RANBP2: variants seen among roughly 807,000 people sequenced by gnomAD.
RANBP2 encodes the protein E3 SUMO-protein ligase RanBP2.
In RANBP2, 57 loss-of-function variants were observed where a neutral mutation model predicts 303.6. The ratio of observed to expected loss-of-function variants is 0.19; its 90% confidence interval spans 0.15 to 0.23. RANBP2 has a LOEUF of 0.23. Ranked by LOEUF, RANBP2 falls within the 10% of genes least tolerant of loss-of-function variation. The probability of loss-of-function intolerance (pLI) is 1.00; values close to 1 mark genes in which losing one functional copy is unlikely to be tolerated. For missense variants in RANBP2, 3,138 were observed against 3,780.8 expected (o/e 0.83, Z 4.46); for synonymous variants, 1,167 against 1,301.5 (o/e 0.90, Z 2.23).
Position 108,782,121 on chromosome 2 carries a change from A to G in RANBP2, c.8761-7A>G, listed in dbSNP as rs752737645. 3.5e-5 allele frequency: 56 copies of G among 1,613,748 alleles called. No individual in the cohort carries two copies. The highest frequency in any genetic ancestry group is 4.5e-5 in the Non-Finnish European group (53 of 1,179,864). ...CAGCTTATAGAGAATTTCATCTCCTATTATAGGTAGAAGTAAAATCTGGAG... is the reference window on the plus strand; with the variant it reads ...CAGCTTATAGAGAATTTCATCTCCTGTTATAGGTAGAAGTAAAATCTGGAG... On this transcript the variant is annotated splice_polypyrimidine_tract_variant and splice_region_variant and intron_variant, in intron 26 of 28. Transcript: ENST00000283195.
the RANBP2 span, among the ~76,000 whole-genome samples, chr2:109,200,802 C>T: frequency 6.6e-6 from 1 of 152,364 alleles, no homozygotes; most frequent in Non-Finnish European, 1.5e-5. Context: ...AGAAGAAAAA[C>T]ACAGGGCCCT....
the RANBP2 span, among the ~76,000 whole-genome samples, chr2:109,657,788 T>C: frequency 4.7e-5 from 7 of 147,434 alleles, no homozygotes; most frequent in South Asian, 2.2e-4. Context: ...GGCACAATCT[T>C]GGCTCACTGC....
the RANBP2 span, among the ~76,000 whole-genome samples, chr2:108,843,035 T>C: frequency 6.6e-6 from 1 of 152,218 alleles, no homozygotes; most frequent in Non-Finnish European, 1.5e-5. Flanking sequence ...GGAAAGTTTA[T>C]TGTATTTACC....
the RANBP2 span, among the ~76,000 whole-genome samples, chr2:109,105,176 C>T: frequency 6.6e-6 from 1 of 152,146 alleles, no homozygotes; most frequent in African/African-American, 2.4e-5. Flanking sequence ...AAGCCACTTC[C>T]CAATAAGATT....
At chr2:109,387,230 A>C in the RANBP2 span, among the ~76,000 whole-genome samples, 1 of 152,220 alleles carries the variant, frequency 6.6e-6, no homozygotes, top group Non-Finnish European at 1.5e-5. Context: ...AATTGTGAGA[A>C]TATTCTCATA....
the RANBP2 span, among the ~76,000 whole-genome samples, chr2:108,848,445 G>A: frequency 3.9e-5 from 6 of 152,148 alleles, no homozygotes; most frequent in Non-Finnish European, 7.4e-5. Context: ...AAATATAACA[G>A]GGCATAAGAA....
chr2:109,106,375 T>C, the RANBP2 span, among the ~76,000 whole-genome samples: 1 of 152,196 alleles, frequency 6.6e-6, no homozygotes, highest in Non-Finnish European at 1.5e-5. Flanking sequence ...TGCCTTTGTA[T>C]GAGATCAGAT....
chr2:108,752,101 A>T lies in RANBP2; in HGVS notation c.1755+107A>T. 3.8e-6 allele frequency: 6 copies of T among 1,577,896 alleles called. No individual in the cohort carries two copies. The South Asian group carries it at 7.0e-5, about 18-fold the overall frequency. On this transcript the variant is annotated intron_variant, in intron 12 of 28. Coordinates refer to ENST00000283195, the MANE Select transcript of RANBP2 (RefSeq NM_006267.5). ...GTTCTGAAAACAGCAGCTTGGTCAC[A>T]TTATGACAGATGTGTTTTTTATTGC...
chr2:109,703,468 G>A, the RANBP2 span, among the ~76,000 whole-genome samples: 30 of 152,204 alleles, frequency 2.0e-4, no homozygotes, highest in South Asian at 2.9e-3. Flanking sequence ...TCGCTCTGTC[G>A]CCCAGGCTGG....
chr2:109,414,433 G>A, the RANBP2 span, among the ~76,000 whole-genome samples: 2 of 152,048 alleles, frequency 1.3e-5, no homozygotes, highest in South Asian at 2.1e-4. Context: ...GTTTTTTCAG[G>A]CAGGAGGGTA....
At chr2:109,698,277 G>C in the RANBP2 span, among the ~76,000 whole-genome samples, 1 of 151,414 alleles carries the variant, frequency 6.6e-6, no homozygotes, top group African/African-American at 2.4e-5. Context: ...TGTATCAAAT[G>C]GTCCACTTAA....
chr2:109,192,339 T>G, the RANBP2 span, among the ~76,000 whole-genome samples: 1 of 152,222 alleles, frequency 6.6e-6, no homozygotes, highest in Non-Finnish European at 1.5e-5. Flanking sequence ...GAAAATGAGT[T>G]TTTAAAAACC....
At chr2:109,058,792 A>G in the RANBP2 span, among the ~76,000 whole-genome samples, 1 of 152,138 alleles carries the variant, frequency 6.6e-6, no homozygotes, top group Admixed American at 6.5e-5. Context: ...GTTGGTCTCC[A>G]AGGCAGGGCT....
At chr2:109,568,067 A>T in the RANBP2 span, 10 of 1,020,490 alleles carry the variant, frequency 9.8e-6, no homozygotes, top group Non-Finnish European at 1.4e-5. Flanking sequence ...TCATTCTGAC[A>T]ATGAATTTCC....
At chr2:108,892,427 G>A in the RANBP2 span, among the ~76,000 whole-genome samples, 1 of 152,168 alleles carries the variant, frequency 6.6e-6, no homozygotes, top group Non-Finnish European at 1.5e-5. Context: ...GGCTGTGGAA[G>A]TGCTTGCAGC....
chr2:109,314,214 C>A, the RANBP2 span, among the ~76,000 whole-genome samples: 1,874 of 152,220 alleles, frequency 0.012, 20 homozygotes, highest in Non-Finnish European at 0.018. Flanking sequence ...GCACCAGAAC[C>A]ATGTGGGTCA....
At chr2:109,799,334 C>CT in the RANBP2 span, among the ~76,000 whole-genome samples, 489 of 29,166 alleles carry the variant, frequency 0.017, 3 homozygotes, top group Non-Finnish European at 0.02. Flanking sequence ...TGCTATAGTT[C>CT]TTTTTTTTTT....
chr2:109,580,966 T>C, the RANBP2 span, among the ~76,000 whole-genome samples: 1 of 152,130 alleles, frequency 6.6e-6, no homozygotes, highest in African/African-American at 2.4e-5. Context: ...AGAAGAAAGC[T>C]GCACAGGCAG....
At chr2:109,247,356 T>G in the RANBP2 span, among the ~76,000 whole-genome samples, 1 of 152,214 alleles carries the variant, frequency 6.6e-6, no homozygotes, top group Non-Finnish European at 1.5e-5. Flanking sequence ...TTCGTTAGTT[T>G]CTAGATCAGT....
Sources: gnomAD v4.1 joint callset for allele counts (sites outside exome capture counted in the v4.1 genomes callset) on GRCh38, gnomAD v4.1.1 for gene constraint, MANE v1.5 for transcripts, NCBI Gene and HGNC (gene_info 2026-07-23, HGNC 2026-07-21) for gene names.